The following SMAP1 variants were observed in gnomAD, a reference collection of about 807,000 sequenced individuals.
SMAP1 encodes the protein small ArfGAP 1.
In SMAP1, 24 loss-of-function variants were observed where a neutral mutation model predicts 58.5. That is an observed-to-expected ratio of 0.41 (90% confidence interval 0.30 to 0.58). The LOEUF (loss-of-function observed/expected upper bound fraction) is 0.58. Among genes scored for constraint, SMAP1 ranks in the 20% least tolerant of loss-of-function variants. The probability of loss-of-function intolerance (pLI) is 0.29; values close to 1 mark genes in which losing one functional copy is unlikely to be tolerated. For synonymous variants in SMAP1, 216 were observed against 196.6 expected (o/e 1.10, Z -0.82); for missense variants, 563 against 566.3 (o/e 0.99, Z 0.06).
At chr6:70,806,638 G>A (rs770346775) in intron 6 of SMAP1, among the ~76,000 whole-genome samples, 5 of 152,118 alleles carry the variant, frequency 3.3e-5, no homozygotes, top group Admixed American at 6.5e-5. Flanking sequence ...GATCCACCTC[G>A]TTATGAGTTT....
At chr6:70,829,282 G>GT (rs549506516) in intron 6 of SMAP1, among the ~76,000 whole-genome samples, 38 of 146,066 alleles carry the variant, frequency 2.6e-4, no homozygotes, top group South Asian at 1.3e-3. Context: ...TTTTGTTTTT[G>GT]TTTTTTTTAT....
At chr6:70,668,398 A>G in intron 1 of SMAP1, 1 of 971,690 alleles carries the variant, frequency 1.0e-6, no homozygotes. Flanking sequence ...GGGTTTGAGC[A>G]GGTGCCAGGG....
At chr6:70,775,808 G>A (rs1418210136) in intron 4 of SMAP1, among the ~76,000 whole-genome samples, 3 of 152,160 alleles carry the variant, frequency 2.0e-5, no homozygotes, top group Non-Finnish European at 4.4e-5. Context: ...AAGGGAAAAT[G>A]TATTCCACCT....
At chr6:70,744,719 C>T (rs1765953401) in intron 2 of SMAP1, among the ~76,000 whole-genome samples, 1 of 152,306 alleles carries the variant, frequency 6.6e-6, no homozygotes, top group Middle Eastern at 3.4e-3. Flanking sequence ...AATGGCATTT[C>T]TAGTTCTAGA....
At chr6:70,800,400 T>A (rs1054243200) in intron 6 of SMAP1, among the ~76,000 whole-genome samples, 3 of 152,192 alleles carry the variant, frequency 2.0e-5, no homozygotes, top group Non-Finnish European at 2.9e-5. Flanking sequence ...TCCTCATTGA[T>A]TTGTAGCTCT....
At chr6:70,762,373 A>T (rs1278748059) in intron 3 of SMAP1, among the ~76,000 whole-genome samples, 2 of 152,184 alleles carry the variant, frequency 1.3e-5, no homozygotes, top group African/African-American at 4.8e-5. Flanking sequence ...ACTGTCCCAC[A>T]AAGCCTAAAA....
chr6:70,724,238 C>A (rs905187533), intron 1 of SMAP1, among the ~76,000 whole-genome samples: 2 of 151,324 alleles, frequency 1.3e-5, no homozygotes, highest in Non-Finnish European at 2.9e-5. Flanking sequence ...ATCATGTCAC[C>A]CAGGCTGGAG....
At chr6:70,788,316 G>C (rs1360155639) in intron 4 of SMAP1, among the ~76,000 whole-genome samples, 1 of 106,528 alleles carries the variant, frequency 9.4e-6, no homozygotes, top group Non-Finnish European at 1.8e-5. Flanking sequence ...GGGGGGAGGG[G>C]GGAGGGATAG....
rs534647723 is a variant in SMAP1, at chr6:70,767,246, A to C, written c.339-6104A>C. ...GCGATGCGGGCTCTTTTTTGGTTCC[A>C]TATGAACTTTAAAGTAGTTTTTTCC... On this transcript the variant is annotated intron_variant, in intron 3 of 10. Coordinates refer to ENST00000370455, the MANE Select transcript of SMAP1 (RefSeq NM_001044305.3). Among the ~76,000 whole-genome samples the C allele has an allele frequency of 9.2e-5, 14 of 151,534 alleles. No homozygotes were observed. In the East Asian group the frequency reaches 2.1e-3, roughly 23 times the overall value.
At chr6:70,794,613 T>A (rs1362275961) in intron 5 of SMAP1, among the ~76,000 whole-genome samples, 1 of 152,052 alleles carries the variant, frequency 6.6e-6, no homozygotes, top group Non-Finnish European at 1.5e-5. Flanking sequence ...CCAAGTGATA[T>A]CATTGTTCAG....
chr6:70,795,886 C>T lies in SMAP1; in HGVS notation c.496-2771C>T, dbSNP rs186937310. ...CCAAGTAGCTGGGATTACAGGCGCCCGCCACCACGCCCGGCTAATTTTTGT... is the reference window on the plus strand; with the variant it reads ...CCAAGTAGCTGGGATTACAGGCGCCTGCCACCACGCCCGGCTAATTTTTGT... On this transcript the variant is annotated intron_variant, in intron 5 of 10. Transcript: ENST00000370455. Among the ~76,000 whole-genome samples, 56 of 151,810 alleles carry T rather than the reference C, an allele frequency of 3.7e-4. 1 individual carries two copies. The highest frequency in any genetic ancestry group is 2.7e-3 in the East Asian group (14 of 5,142).
chr6:70,831,451 T>C (rs1413967987), intron 6 of SMAP1, among the ~76,000 whole-genome samples: 1 of 152,148 alleles, frequency 6.6e-6, no homozygotes, highest in Non-Finnish European at 1.5e-5. Context: ...CCAGTGTCTG[T>C]TGTTCCCTTC....
At chr6:70,796,643 A>G (rs965476623) in intron 5 of SMAP1, among the ~76,000 whole-genome samples, 22 of 152,226 alleles carry the variant, frequency 1.4e-4, no homozygotes, top group African/African-American at 4.1e-4. Context: ...TATAAAGCCC[A>G]GGCACTTGAG....
intron 1 of SMAP1, among the ~76,000 whole-genome samples, chr6:70,723,178 G>C (rs781028531): frequency 1.3e-5 from 2 of 152,036 alleles, no homozygotes; most frequent in Non-Finnish European, 2.9e-5. Flanking sequence ...ATATTGCTCA[G>C]GCTGGAGTGC....
At chr6:70,720,277 C>G (rs1768463726) in intron 1 of SMAP1, among the ~76,000 whole-genome samples, 1 of 152,168 alleles carries the variant, frequency 6.6e-6, no homozygotes, top group African/African-American at 2.4e-5. Context: ...TCCATGAGTG[C>G]AGGTCTTGCA....
chr6:70,829,531 C>T (rs2149990835), intron 6 of SMAP1, among the ~76,000 whole-genome samples: 1 of 152,276 alleles, frequency 6.6e-6, no homozygotes, highest in East Asian at 1.9e-4. Context: ...CAGCAAAAGG[C>T]ACCATGGTGC....
intron 2 of SMAP1, among the ~76,000 whole-genome samples, chr6:70,735,165 G>A (rs1004499212): frequency 6.6e-6 from 1 of 152,114 alleles, no homozygotes; most frequent in African/African-American, 2.4e-5. Context: ...ATTACAGAGA[G>A]AACAGTTCAC....
In SMAP1 at chr6:70,861,474, G is replaced by C. The variant is rs879580497; in HGVS notation, c.*1140G>C. 5.1e-6 allele frequency: 3 copies of C among 589,584 alleles called. No individual in the cohort carries two copies. The highest frequency in any genetic ancestry group is 9.1e-6 in the Non-Finnish European group (3 of 331,086). 36.5% of individuals were successfully genotyped at this position (589,584 alleles called of 1,614,324 possible). A position where few individuals can be genotyped will look rare whatever the true frequency, so the allele number is the denominator to read the frequency against. On this transcript the variant is annotated 3_prime_UTR_variant, in exon 11 of 11. Transcript: ENST00000370455. ...CAAATGAAGACAAAACATACATTTT[G>C]TACCAACCATCCAATTAGCTTATGT...
At chr6:70,799,943 A>G (rs933958794) in intron 6 of SMAP1, among the ~76,000 whole-genome samples, 10 of 152,170 alleles carry the variant, frequency 6.6e-5, no homozygotes, top group Admixed American at 5.2e-4. Context: ...AGCATTTGCA[A>G]TATGGTGAGT....
Sources: allele counts gnomAD v4.1 joint callset (sites outside exome capture counted in the v4.1 genomes callset), GRCh38; gene constraint gnomAD v4.1.1; transcripts MANE v1.5; gene names NCBI Gene and HGNC (gene_info 2026-07-23, HGNC 2026-07-21).